The following TTF2 variants were observed in gnomAD, a reference collection of about 807,000 sequenced individuals.
TTF2 encodes the protein transcription termination factor 2, also known as RNA polymerase II termination factor.
Under a neutral mutation model 142.4 loss-of-function variants are expected in TTF2, and 108 were observed. The observed-to-expected ratio is 0.76, with a 90% CI of 0.65 to 0.89. The LOEUF is 0.89. TTF2 is among the 40% of genes least tolerant of loss of function. The pLI, the probability that TTF2 is intolerant of heterozygous loss-of-function variation, is 0.00. For synonymous variants in TTF2, 483 were observed against 506.2 expected (o/e 0.95, Z 0.61); for missense variants, 1,327 against 1,379.8 (o/e 0.96, Z 0.61).
Position 117,073,563 on chromosome 1 carries a change from A to G in TTF2, c.219-98A>G, listed in dbSNP as rs1289494330. 9 of 1,232,582 alleles carry G rather than the reference A, an allele frequency of 7.3e-6. No individual in the cohort carries two copies. The Admixed American group carries it at 2.1e-4, about 29-fold the overall frequency. The allele number at this position is 1,232,582 out of a possible 1,614,324, so 76.4% of individuals were successfully genotyped here. A position where few individuals can be genotyped will look rare whatever the true frequency, so the allele number is the denominator to read the frequency against. ...CAAGTGACCTCCCAAAGCCAGGTTC[A>G]AATAGTTGCAAGATGTTTTCTTGGA... On this transcript the variant is annotated intron_variant, in intron 3 of 22. Coordinates refer to ENST00000369466, the MANE Select transcript of TTF2 (RefSeq NM_003594.4). The surrounding 1 kb of genome is among the most constrained non-coding windows in gnomAD (Gnocchi z 4.4).
At position 117,086,331 on chromosome 1, in the gene TTF2, C is replaced by A; in HGVS notation, c.2055-86C>A. 1 of 928,646 alleles carries A rather than the reference C, an allele frequency of 1.1e-6. No homozygotes were observed. Among genetic ancestry groups the A allele is most frequent in the South Asian group, 1.5e-5 (1 of 68,298 alleles). The allele number at this position is 928,646 out of a possible 1,614,324, so 57.5% of individuals were successfully genotyped here. A position where few individuals can be genotyped will look rare whatever the true frequency, so the allele number is the denominator to read the frequency against. On this transcript the variant is annotated intron_variant, in intron 11 of 22. Coordinates refer to ENST00000369466, the MANE Select transcript of TTF2 (RefSeq NM_003594.4). The surrounding 1 kb of genome is among the most constrained non-coding windows in gnomAD (Gnocchi z 4.2). ...TGCTGTTTGTCCTTCCATTTGTAGG[C>A]ATTTTTATTGAAAGATCAACTCTGC...
At chr1:117,094,526 AG>A (rs1025382887) in intron 18 of TTF2, 1 of 458,614 alleles carries the variant, frequency 2.2e-6, no homozygotes, top group African/African-American at 2.0e-5. Flanking sequence ...GGGAATACCC[AG>A]GGAGCCTGTT....
chr1:117,060,363 G>C lies in TTF2; in HGVS notation c.17G>C (p.Cys6Ser). 1 of 1,604,312 alleles carries C rather than the reference G, an allele frequency of 6.2e-7. No individual in the cohort carries two copies. The highest frequency in any genetic ancestry group is 8.5e-7 in the Non-Finnish European group (1 of 1,175,076). The change falls in exon 1 of 23, where the codon TGT becomes TCT. Residue 6 changes from cysteine to serine, a missense_variant. Coordinates refer to ENST00000369466, the MANE Select transcript of TTF2 (RefSeq NM_003594.4). MEEVR[C>S]PEHGTFCFLK... ...CCCAGCGAAATGGAAGAAGTTAGGTGTCCAGAGCACGGTAAGGGGCTAGGG... is the reference window on the plus strand; with the variant it reads ...CCCAGCGAAATGGAAGAAGTTAGGTCTCCAGAGCACGGTAAGGGGCTAGGG...
intron 2 of TTF2, among the ~76,000 whole-genome samples, 179 bp downstream of exon 2, chr1:117,060,736 A>T (rs939586247): frequency 7.9e-5 from 12 of 152,202 alleles, no homozygotes; most frequent in Admixed American, 2.6e-4. Context: ...GAAGACGCCC[A>T]GCTAATTCTG....
At position 117,086,516 on chromosome 1, in the gene TTF2, T is replaced by C. The variant is rs781668006; in HGVS notation, c.2154T>C (p.Asn718=). Residue 718 remains asparagine (N), a synonymous_variant, in exon 12 of 23, where the codon AAT becomes AAC. Coordinates refer to ENST00000369466, the MANE Select transcript of TTF2 (RefSeq NM_003594.4). The surrounding 1 kb of genome is among the most constrained non-coding windows in gnomAD (Gnocchi z 4.2). ...QEAEIPGANL[N]VEGTSTPLLR... ...CAGAGATCCCAGGTGCAAACCTCAA[T>C]GTGGAGGTGAGGCTGGGGGGCAGCC... The C allele has an allele frequency of 1.2e-6, 2 of 1,613,446 alleles. No homozygotes were observed. Among genetic ancestry groups the C allele is most frequent in the Non-Finnish European group, 1.7e-6 (2 of 1,179,534 alleles).
intron 2 of TTF2, 97 bp downstream of exon 2, chr1:117,060,654 T>A: frequency 8.0e-7 from 1 of 1,247,672 alleles, no homozygotes; most frequent in Non-Finnish European, 1.1e-6. Flanking sequence ...GGCCGAGGAG[T>A]GGTGGGGCCC....
intron 10 of TTF2, among the ~76,000 whole-genome samples, chr1:117,083,083 A>C (rs918117857): frequency 5.3e-5 from 8 of 152,030 alleles, no homozygotes; most frequent in Non-Finnish European, 1.5e-5. Flanking sequence ...TCTACTAAAA[A>C]TACAAAAAAT....
At position 117,075,641 on chromosome 1, in the gene TTF2, G is replaced by T. The variant is rs146799971; in HGVS notation, c.1057G>T (p.Asp353Tyr). The T allele has an allele frequency of 3.7e-6, 6 of 1,614,152 alleles. No individual in the cohort carries two copies. The South Asian group carries it at 4.4e-5, about 12-fold the overall frequency. Residue 353 changes from aspartate to tyrosine, a missense_variant, in exon 5 of 23, where the codon GAC becomes TAC. By Grantham distance (160) the Asp-to-Tyr change is radical. Transcript: ENST00000369466. This position sits in a 1 kb window ranked among gnomAD's most constrained non-coding sequence, Gnocchi z 4.5. ...EGREAATSSD[D>Y]EEEDDVVFVS... ...CCGTGAAGCTGCCACAAGCAGTGACGACGAGGAGGAAGATGATGTTGTTTT... is the reference window on the plus strand; with the variant it reads ...CCGTGAAGCTGCCACAAGCAGTGACTACGAGGAGGAAGATGATGTTGTTTT...
chr1:117,095,847 A>G (rs541008678), intron 19 of TTF2, among the ~76,000 whole-genome samples: 1 of 152,302 alleles, frequency 6.6e-6, no homozygotes, highest in African/African-American at 2.4e-5. Context: ...AGGACCACAG[A>G]TTTCTGGATG....
Position 117,079,739 on chromosome 1 carries a change from A to G in TTF2, c.1783+90A>G. 1.6e-6 allele frequency: 2 copies of G among 1,239,962 alleles called. No individual in the cohort carries two copies. The highest frequency in any genetic ancestry group is 2.4e-6 in the Non-Finnish European group (2 of 845,832). 76.8% of individuals were successfully genotyped at this position (1,239,962 alleles called of 1,614,324 possible). On this transcript the variant is annotated intron_variant, in intron 9 of 22. Transcript: ENST00000369466. This position sits in a 1 kb window ranked among gnomAD's most constrained non-coding sequence, Gnocchi z 4.2. Reference sequence around the variant, plus strand: ...GTTGTTTCATTTATTCCTCTCAAGAACTCTATGAGGCAGGTACTATTATTC... The same window carrying G: ...GTTGTTTCATTTATTCCTCTCAAGAGCTCTATGAGGCAGGTACTATTATTC...
chr1:117,083,946 A>G, intron 10 of TTF2, 72 bp from the exon 11 acceptor site: 3 of 1,566,506 alleles, frequency 1.9e-6, no homozygotes, highest in Non-Finnish European at 2.6e-6. Flanking sequence ...CCGTGTCTCC[A>G]TATATTAAAA....
intron 18 of TTF2, chr1:117,094,515 G>A (rs190668891): frequency 1.3e-3 from 597 of 452,132 alleles, no homozygotes; most frequent in Non-Finnish European, 1.9e-3. Flanking sequence ...AAGGGTTCTT[G>A]GGGAATACCC....
chr1:117,094,207 T>G (rs1648884435), intron 18 of TTF2, among the ~76,000 whole-genome samples: 1 of 152,172 alleles, frequency 6.6e-6, no homozygotes, highest in Admixed American at 6.5e-5. Context: ...ATGTGGGAGC[T>G]CAGGGCACCT....
intron 4 of TTF2, among the ~76,000 whole-genome samples, chr1:117,074,509 T>G (rs1158308516): frequency 6.6e-6 from 1 of 152,032 alleles, no homozygotes; most frequent in East Asian, 1.9e-4. Context: ...ACCAAGAATG[T>G]TCAGGAAATA....
In TTF2 at chr1:117,092,631, T is replaced by C. The variant is rs1648689289; in HGVS notation, c.2806-100T>C. The stretch of plus-strand genomic sequence containing the variant: ...GTTACTGATGACAAATTACAAGATA[T>C]TTTGCTCTGTGAAGTGGTAAACAAT... On this transcript the variant is annotated intron_variant, in intron 17 of 22. Transcript: ENST00000369466. This position sits in a 1 kb window ranked among gnomAD's most constrained non-coding sequence, Gnocchi z 4.4. 1.5e-6 allele frequency: 2 copies of C among 1,324,548 alleles called. No homozygotes were observed. The allele number at this position is 1,324,548 out of a possible 1,614,324, so 82.0% of individuals were successfully genotyped here.
rs748672090 is a variant in TTF2 at position 117,090,595 on chromosome 1, G to A, written c.2560G>A (p.Val854Ile). The change falls in exon 15 of 23, where the codon GTT becomes ATT. Residue 854 changes from valine to isoleucine, a missense_variant. By Grantham distance (29) the Val-to-Ile change is conservative (BLOSUM62 3). Coordinates refer to ENST00000369466, the MANE Select transcript of TTF2 (RefSeq NM_003594.4). This position sits in a 1 kb window ranked among gnomAD's most constrained non-coding sequence, Gnocchi z 4.8. ...AAAGCTTTCTGAAGATGAAGAGACTGTTTACAATGTGTTTTTTGCAAGATC... is the reference window on the plus strand; with the variant it reads ...AAAGCTTTCTGAAGATGAAGAGACTATTTACAATGTGTTTTTTGCAAGATC... ...HLKLSEDEETVYNVFFARSRS... is the reference protein window; with the variant it reads ...HLKLSEDEETIYNVFFARSRS... 3 of 1,614,046 alleles carry A rather than the reference G, an allele frequency of 1.9e-6. No individual in the cohort carries two copies. Among genetic ancestry groups the A allele is most frequent in the Admixed American group, 3.3e-5 (2 of 60,010 alleles).
chr1:117,065,694 T>A (rs901933030), intron 3 of TTF2, among the ~76,000 whole-genome samples: 1 of 152,254 alleles, frequency 6.6e-6, no homozygotes, highest in African/African-American at 2.4e-5. Context: ...TGTTTTTTAG[T>A]GCTGTTGTAA....
At chr1:117,065,515 G>A (rs887576751) in intron 3 of TTF2, among the ~76,000 whole-genome samples, 3 of 152,090 alleles carry the variant, frequency 2.0e-5, no homozygotes, top group Non-Finnish European at 2.9e-5. Flanking sequence ...GGAGAATGGC[G>A]TGAACCCGGA....
At position 117,063,498 on chromosome 1, in the gene TTF2, A is replaced by G. The variant is rs970651096; in HGVS notation, c.218+1025A>G. On this transcript the variant is annotated intron_variant, in intron 3 of 22. Transcript: ENST00000369466. This position sits in a 1 kb window ranked among gnomAD's most constrained non-coding sequence, Gnocchi z 4.1. The stretch of plus-strand genomic sequence containing the variant: ...CGTTATATAAATGAAATCCTACTGC[A>G]TGTACTCTTCTGTGTCTGACTTCTT... Among the ~76,000 whole-genome samples the G allele has an allele frequency of 5.9e-5, 9 of 152,184 alleles. 1 individual carries two copies. In the South Asian group the frequency reaches 1.0e-3, roughly 17 times the overall value.
Sources: allele counts gnomAD v4.1 joint callset (sites outside exome capture counted in the v4.1 genomes callset), GRCh38; gene constraint gnomAD v4.1.1; non-coding constraint Gnocchi (gnomAD v3.1); transcripts MANE v1.5; gene names NCBI Gene and HGNC (gene_info 2026-07-23, HGNC 2026-07-21).